The following TRIP12 variants were observed in gnomAD, a reference collection of about 807,000 sequenced individuals.
The protein encoded by TRIP12 is thyroid hormone receptor interactor 12.
TRIP12 carries 25 observed loss-of-function variants against 244.2 expected under a neutral mutation model. The observed-to-expected ratio is 0.10, with a 90% CI of 0.07 to 0.14. The LOEUF (loss-of-function observed/expected upper bound fraction) is 0.14. Among genes scored for constraint, TRIP12 ranks in the 10% least tolerant of loss-of-function variants. TRIP12 has a pLI of 1.00. For synonymous variants in TRIP12, 905 were observed against 873.1 expected, an observed-to-expected ratio of 1.04 and a Z score of -0.64; for missense variants, 1,677 against 2,486.4, an observed-to-expected ratio of 0.67 and a Z score of 6.92.
chr2:229,776,111 C>T (rs1229117755), intron 37 of TRIP12, among the ~76,000 whole-genome samples: 2 of 152,136 alleles, frequency 1.3e-5, no homozygotes, highest in Non-Finnish European at 2.9e-5. Context: ...GGTGTGTGAC[C>T]TTAGGCAGGT....
At chr2:229,798,002 T>C (rs1432673760) in intron 23 of TRIP12, among the ~76,000 whole-genome samples, 171 bp from the exon 24 acceptor site, 1 of 152,252 alleles carries the variant, frequency 6.6e-6, no homozygotes, top group African/African-American at 2.4e-5. Flanking sequence ...TGGGCTACGA[T>C]GTACCACCTG....
rs749129526 is a variant in TRIP12 at position 229,791,971 on chromosome 2, G to A, written c.4310C>T (p.Ala1437Val). Residue 1437 changes from alanine to valine, a missense_variant, in exon 29 of 42, where the codon GCA becomes GTA. Ala to Val is a moderately conservative substitution (Grantham distance 64). Transcript: ENST00000675903. Reference protein sequence around the residue: ...LLPYNMTVYQAVRQFSIQAED... With the variant: ...LLPYNMTVYQVVRQFSIQAED... ...AGCCTGTATACTAAACTGCCGTACT[G>A]CCTGATACACAGTCATGTTATACGG... is the stretch of plus-strand genomic sequence containing the variant. 1.2e-6 allele frequency: 2 copies of A among 1,614,094 alleles called. No homozygotes were observed. Among genetic ancestry groups the A allele is most frequent in the East Asian group, 2.2e-5 (1 of 44,870 alleles).
chr2:229,899,234 C>T (rs947171263), intron 1 of TRIP12, among the ~76,000 whole-genome samples: 1 of 152,016 alleles, frequency 6.6e-6, no homozygotes, highest in African/African-American at 2.4e-5. Context: ...CACGGTCTAG[C>T]CACCAAATTT....
rs2037133434 is a variant in TRIP12 at position 229,778,782 on chromosome 2, CT to C, written c.5209+93del. ...AGAGGCTAAAAGAAAGCAAGTACAG[CT>C]GTCCATTAGAAATTAAATATGTCTA... On this transcript the variant is annotated intron_variant, in intron 35 of 41. Transcript: ENST00000675903. This position sits in a 1 kb window ranked among gnomAD's most constrained non-coding sequence, Gnocchi z 4.1. 1 of 1,376,020 alleles carries C rather than the reference CT, an allele frequency of 7.3e-7. No homozygotes were observed. The highest frequency in any genetic ancestry group is 1.0e-6 in the Non-Finnish European group (1 of 984,714). The allele number at this position is 1,376,020 out of a possible 1,614,324, so 85.2% of individuals were successfully genotyped here. A position where few individuals can be genotyped will look rare whatever the true frequency, so the allele number is the denominator to read the frequency against.
Position 229,796,699 on chromosome 2 carries a change from A to G in TRIP12, c.3708T>C (p.Ser1236=). 1 of 1,612,386 alleles carries G rather than the reference A, an allele frequency of 6.2e-7. No homozygotes were observed. Among genetic ancestry groups the G allele is most frequent in the Non-Finnish European group, 8.5e-7 (1 of 1,179,656 alleles). Residue 1236 remains serine, a synonymous_variant, in exon 25 of 42, where the codon AGT becomes AGC. Transcript: ENST00000675903. The stretch of plus-strand genomic sequence containing the variant: ...AAAGCAACAGCTGCTTCACAAATCC[A>G]CTATGTTGGATTTCAAATGATGAAA... The part of the protein sequence containing the change: ...SDVSSFEIQH[S]GFVKQLLLYL...
chr2:229,820,005 GA>G (rs1264181322), intron 8 of TRIP12, among the ~76,000 whole-genome samples: 7 of 152,262 alleles, frequency 4.6e-5, no homozygotes, highest in Admixed American at 4.6e-4. Context: ...AAAGTTCAGG[GA>G]AATACAATTT....
chr2:229,788,411 T>A (rs2040610436), intron 32 of TRIP12, among the ~76,000 whole-genome samples: 2 of 152,132 alleles, frequency 1.3e-5, no homozygotes, highest in African/African-American at 4.8e-5. Flanking sequence ...CAAAAAGAGT[T>A]GGGGACTGCC....
rs879343127 is a variant in TRIP12, at chr2:229,764,811, C to T, written c.*2743G>A. On this transcript the variant is annotated 3_prime_UTR_variant, in exon 42 of 42. Coordinates refer to ENST00000675903, the MANE Select transcript of TRIP12 (RefSeq NM_001348323.3). ...GCACCACTCCTTTCCATGTTATGCA[C>T]CTAACTCAAACCCAGTAAAGAGGGA... 1 of 152,192 alleles carries T rather than the reference C, an allele frequency of 6.6e-6. No individual in the cohort carries two copies. The highest frequency in any genetic ancestry group is 2.4e-5 in the African/African-American group (1 of 41,420). 9.4% of individuals were successfully genotyped at this position (152,192 alleles called of 1,614,324 possible).
chr2:229,826,866 G>A (rs988313921), intron 8 of TRIP12, among the ~76,000 whole-genome samples: 1 of 152,174 alleles, frequency 6.6e-6, no homozygotes, highest in African/African-American at 2.4e-5. Flanking sequence ...ACCAGGAATG[G>A]AAGTTTCTCT....
intron 8 of TRIP12, among the ~76,000 whole-genome samples, chr2:229,823,280 A>G (rs2154291967): frequency 6.6e-6 from 1 of 152,346 alleles, no homozygotes; most frequent in Non-Finnish European, 1.5e-5. Context: ...TAAACCCTAT[A>G]TAGTCAAGCT....
At chr2:229,824,541 C>T (rs950981491) in intron 8 of TRIP12, among the ~76,000 whole-genome samples, 5 of 151,998 alleles carry the variant, frequency 3.3e-5, no homozygotes, top group Non-Finnish European at 5.9e-5. Flanking sequence ...CTCAAATGTC[C>T]AACAGGGGAC....
chr2:229,768,563 T>A, intron 41 of TRIP12, 53 bp downstream of exon 41: 1 of 1,564,348 alleles, frequency 6.4e-7, no homozygotes, highest in Non-Finnish European at 8.7e-7. Context: ...AGTTTCACAC[T>A]CACAAACCCA....
intron 1 of TRIP12, among the ~76,000 whole-genome samples, chr2:229,918,047 A>G (rs529510288): frequency 4.6e-5 from 7 of 152,200 alleles, no homozygotes; most frequent in Non-Finnish European, 8.8e-5. Flanking sequence ...CTACAGTCCA[A>G]TCAGGGAAAC....
chr2:229,774,078 CAA>C lies in TRIP12; in HGVS notation c.5694+17_5694+18del, dbSNP rs770732939. Reference sequence around the variant, plus strand: ...CCGTCTTCACAACTGGCCTACCCCCCAAAGACACAGTTACATACTCTTAGATA... The same window carrying C: ...CCGTCTTCACAACTGGCCTACCCCCCAGACACAGTTACATACTCTTAGATA... On this transcript the variant is annotated intron_variant, in intron 38 of 41. Transcript: ENST00000675903. 6.2e-7 allele frequency: 1 copy of C among 1,606,908 alleles called. No individual in the cohort carries two copies. The highest frequency in any genetic ancestry group is 8.5e-7 in the Non-Finnish European group (1 of 1,176,620).
intron 4 of TRIP12, among the ~76,000 whole-genome samples, chr2:229,848,984 C>G (rs2058115868): frequency 6.6e-6 from 1 of 151,832 alleles, no homozygotes; most frequent in Non-Finnish European, 1.5e-5. Context: ...AATATTCCAC[C>G]AAAACAAGAA....
intron 2 of TRIP12, among the ~76,000 whole-genome samples, chr2:229,865,347 A>AAAAC (rs2061351040): frequency 2.8e-5 from 1 of 35,252 alleles, no homozygotes; most frequent in Non-Finnish European, 5.9e-5. Context: ...AAAAAAAGAA[A>AAAAC]GAAAGAAAGC....
Position 229,836,883 on chromosome 2 carries a change from G to C in TRIP12, c.1235C>G (p.Ala412Gly), listed in dbSNP as rs182557038. The change falls in exon 6 of 42, where the codon GCT becomes GGT. Residue 412 changes from alanine (A) to glycine (G), a missense_variant. By Grantham distance (60) the Ala-to-Gly change is moderately conservative (BLOSUM62 0). Transcript: ENST00000675903. ...TTGGGGAGCTTCATCTGTCCGAGCA[G>C]CTGAAGAATTTACTGCCTCCTGGTT... ...ESNQEAVNSS[A>G]ARTDEAPQGA... 2 of 1,600,962 alleles carry C rather than the reference G, an allele frequency of 1.2e-6. No individual in the cohort carries two copies. Among genetic ancestry groups the C allele is most frequent in the Non-Finnish European group, 1.7e-6 (2 of 1,175,916 alleles).
At chr2:229,803,752 A>T in intron 19 of TRIP12, 63 bp from the exon 20 acceptor site, 1 of 1,260,204 alleles carries the variant, frequency 7.9e-7, no homozygotes, top group African/African-American at 1.5e-5. Context: ...TTTTGGCCAT[A>T]CTACTTTAAA....
In TRIP12 at chr2:229,789,717, A is replaced by C; in HGVS notation, c.4589T>G (p.Ile1530Ser). The C allele has an allele frequency of 6.2e-7, 1 of 1,614,104 alleles. No individual in the cohort carries two copies. Among genetic ancestry groups the C allele is most frequent in the Non-Finnish European group, 8.5e-7 (1 of 1,179,976 alleles). The change falls in exon 31 of 42, where the codon ATT becomes AGT. Residue 1530 changes from isoleucine to serine, a missense_variant. By Grantham distance (142) the Ile-to-Ser change is moderately radical (BLOSUM62 -2). Around this residue, in one of 11 missense-constraint regions of TRIP12, gnomAD observed 265 missense variants for 370.8 expected, o/e 0.71. Transcript: ENST00000675903. ...SVSNPLEVYL[I>S]PTPPENITFE... ...TGTTATATTTTCAGGTGGTGTGGGA[A>C]TGAGGTAAACTTCTAAAGGATTTGA...
Sources: gnomAD v4.1 joint callset for allele counts (sites outside exome capture counted in the v4.1 genomes callset) on GRCh38, gnomAD v4.1.1 for gene constraint, gnomAD v4.1.1 regional missense constraint, Gnocchi (gnomAD v3.1) non-coding constraint, MANE v1.5 for transcripts, NCBI Gene and HGNC (gene_info 2026-07-23, HGNC 2026-07-21) for gene names.